The following KPNA6 variants were observed in gnomAD, a reference collection of about 807,000 sequenced individuals.
KPNA6 encodes karyopherin subunit alpha 6.
Under a neutral mutation model 72.0 loss-of-function variants are expected in KPNA6, and 9 were observed. That is an observed-to-expected ratio of 0.13 (90% CI 0.08 to 0.22). The LOEUF (loss-of-function observed/expected upper bound fraction) is 0.22, where lower values mean the gene tolerates loss of function less well. Among genes scored for constraint, KPNA6 ranks in the 10% least tolerant of loss-of-function variants. The probability of loss-of-function intolerance (pLI) is 1.00; values close to 1 mark genes in which losing one functional copy is unlikely to be tolerated. For missense variants in KPNA6, 374 were observed against 655.7 expected, an observed-to-expected ratio of 0.57 and a Z score of 4.69; for synonymous variants, 219 against 242.1, an observed-to-expected ratio of 0.90 and a Z score of 0.89.
At chr1:32,149,183 T>C (rs532150531) in intron 1 of KPNA6, among the ~76,000 whole-genome samples, 64 of 152,232 alleles carry the variant, frequency 4.2e-4, no homozygotes, top group Non-Finnish European at 8.7e-4. Context: ...AAGTGTACTT[T>C]TGAGCTCTAG....
At chr1:32,138,049 C>T (rs1310419840) in intron 1 of KPNA6, among the ~76,000 whole-genome samples, 4 of 150,674 alleles carry the variant, frequency 2.7e-5, no homozygotes, top group Admixed American at 2.0e-4. Flanking sequence ...GTAAGAGAAT[C>T]GCATCAACCC....
At chr1:32,165,944 G>A (rs1053787094) in intron 10 of KPNA6, among the ~76,000 whole-genome samples, 161 bp from the exon 11 acceptor site, 6 of 151,138 alleles carry the variant, frequency 4.0e-5, no homozygotes, top group African/African-American at 1.5e-4. Context: ...GTTGCAGTGA[G>A]CCGAGATTGT....
intron 13 of KPNA6, 60 bp downstream of exon 13, chr1:32,170,120 T>C: frequency 6.8e-7 from 1 of 1,462,842 alleles, no homozygotes; most frequent in Non-Finnish European, 9.5e-7. Flanking sequence ...CAACGTGGTA[T>C]ACATATGTTG....
chr1:32,119,268 T>C (rs2124524737), intron 1 of KPNA6, among the ~76,000 whole-genome samples: 1 of 151,650 alleles, frequency 6.6e-6, no homozygotes, highest in Non-Finnish European at 1.5e-5. Context: ...TGACCTCAGG[T>C]TATCCGCCTG....
At chr1:32,158,115 G>A (rs1642175269) in intron 4 of KPNA6, 152 bp from the exon 5 acceptor site, 1 of 609,078 alleles carries the variant, frequency 1.6e-6, no homozygotes. Flanking sequence ...TCAAAGACGA[G>A]TAGATATTGT....
intron 1 of KPNA6, among the ~76,000 whole-genome samples, chr1:32,129,460 A>T (rs1414601949): frequency 6.6e-6 from 1 of 152,164 alleles, no homozygotes; most frequent in Non-Finnish European, 1.5e-5. Context: ...GACAGCCTTC[A>T]AATGACTACC....
At position 32,170,978 on chromosome 1, in the gene KPNA6, C is replaced by A; in HGVS notation, c.*84C>A. On this transcript the variant is annotated 3_prime_UTR_variant, in exon 14 of 14. Coordinates refer to ENST00000373625, the MANE Select transcript of KPNA6 (RefSeq NM_012316.5). Reference sequence around the variant, plus strand: ...CCTCTGGTGGGCGGGAAACCAGTGTCCCCACCATCAGCCACCACACACCTC... The same window carrying A: ...CCTCTGGTGGGCGGGAAACCAGTGTACCCACCATCAGCCACCACACACCTC... 1 of 1,243,206 alleles carries A rather than the reference C, an allele frequency of 8.0e-7. No individual in the cohort carries two copies. The allele number at this position is 1,243,206 out of a possible 1,614,324, so 77.0% of individuals were successfully genotyped here. A position where few individuals can be genotyped will look rare whatever the true frequency, so the allele number is the denominator to read the frequency against.
chr1:32,167,913 C>G (rs1642369278), intron 12 of KPNA6, among the ~76,000 whole-genome samples: 1 of 151,508 alleles, frequency 6.6e-6, no homozygotes. Context: ...TGTCTGTTAT[C>G]CCAGCACCTT....
chr1:32,169,887 T>A lies in KPNA6; in HGVS notation c.1250T>A (p.Leu417Gln), dbSNP rs1225461088. ...SGGTPEQIRY[L>Q]VSLGCIKPLC... ...GCCTGGTCTCTGGCCCCTAGGTACC[T>A]GGTCTCACTGGGCTGCATCAAACCC... Residue 417 changes from leucine (L) to glutamine (Q), a missense_variant, in exon 13 of 14, where the codon CTG becomes CAG. Around this residue, in one of 3 missense-constraint regions of KPNA6, gnomAD observed 34 missense variants for 110.5 expected, o/e 0.31. Coordinates refer to ENST00000373625, the MANE Select transcript of KPNA6 (RefSeq NM_012316.5). 6.2e-7 allele frequency: 1 copy of A among 1,613,648 alleles called. No individual in the cohort carries two copies. Among genetic ancestry groups the A allele is most frequent in the Non-Finnish European group, 8.5e-7 (1 of 1,179,762 alleles).
intron 1 of KPNA6, among the ~76,000 whole-genome samples, chr1:32,141,045 G>A (rs1050648480): frequency 1.3e-5 from 2 of 152,096 alleles, no homozygotes; most frequent in African/African-American, 4.8e-5. Context: ...TGCTTTGGGG[G>A]AATTAATCCT....
chr1:32,112,121 ACT>A (rs1641252371), intron 1 of KPNA6, among the ~76,000 whole-genome samples: 1 of 152,176 alleles, frequency 6.6e-6, no homozygotes. Context: ...AGCCTGGGGA[ACT>A]TGTGGAGAAG....
rs112213109 is a variant in KPNA6 at position 32,168,950 on chromosome 1, A to G, written c.1245-932A>G. Among the ~76,000 whole-genome samples the G allele has an allele frequency of 2.6e-4, 39 of 152,328 alleles. 1 individual carries two copies. The highest frequency in any genetic ancestry group is 9.1e-4 in the African/African-American group (38 of 41,576). On this transcript the variant is annotated intron_variant, in intron 12 of 13. Transcript: ENST00000373625. ...GGGGTAATATTGCAGCCAAGGAGAC[A>G]TTAGAGGCAAGGAGGAGGAGTGTTT...
chr1:32,117,238 T>A (rs1353096560), intron 1 of KPNA6, among the ~76,000 whole-genome samples: 1 of 151,468 alleles, frequency 6.6e-6, no homozygotes, highest in Non-Finnish European at 1.5e-5. Flanking sequence ...AGTGGCACGA[T>A]CTTGGCTCAC....
intron 1 of KPNA6, chr1:32,143,116 G>A: frequency 4.4e-6 from 3 of 674,696 alleles, no homozygotes; most frequent in Non-Finnish European, 4.7e-6. Context: ...CAAAAGGAGT[G>A]CAGAGGTGCA....
chr1:32,140,786 A>G (rs1434632007), intron 1 of KPNA6, among the ~76,000 whole-genome samples: 1 of 152,206 alleles, frequency 6.6e-6, no homozygotes, highest in Non-Finnish European at 1.5e-5. Flanking sequence ...CAGAGTTACA[A>G]CAATACCCAA....
chr1:32,135,005 G>A (rs1641708227), intron 1 of KPNA6, among the ~76,000 whole-genome samples: 1 of 149,416 alleles, frequency 6.7e-6, no homozygotes, highest in Non-Finnish European at 1.5e-5. Context: ...TTCCAGGTTC[G>A]AGCAATTTTC....
intron 1 of KPNA6, among the ~76,000 whole-genome samples, chr1:32,118,970 A>ATCTGTGTG (rs749379355): frequency 7.9e-6 from 1 of 127,364 alleles, no homozygotes; most frequent in African/African-American, 3.1e-5. Context: ...CAAGCCATAT[A>ATCTGTGTG]TATGTGTGTG....
Position 32,170,900 on chromosome 1 carries a change from G to A in KPNA6, c.*6G>A. 6.2e-7 allele frequency: 1 copy of A among 1,613,530 alleles called. No homozygotes were observed. The highest frequency in any genetic ancestry group is 1.3e-5 in the African/African-American group (1 of 75,044). On this transcript the variant is annotated 3_prime_UTR_variant, in exon 14 of 14. Transcript: ENST00000373625. Reference sequence around the variant, plus strand: ...TGGAGGGCTTCCAGCTATAATATCTGCCTCCAGGGAGGGGAGGGGATGGGA... The same window carrying A: ...TGGAGGGCTTCCAGCTATAATATCTACCTCCAGGGAGGGGAGGGGATGGGA...
At chr1:32,169,807 G>C in intron 12 of KPNA6, 75 bp from the exon 13 acceptor site, 1 of 1,327,382 alleles carries the variant, frequency 7.5e-7, no homozygotes, top group Admixed American at 2.1e-5. Context: ...GTGGGTTGCT[G>C]AGAGTTCAGA....
Sources: allele counts gnomAD v4.1 joint callset (sites outside exome capture counted in the v4.1 genomes callset), GRCh38; gene constraint gnomAD v4.1.1; regional missense constraint gnomAD v4.1.1; transcripts MANE v1.5; gene names NCBI Gene and HGNC (gene_info 2026-07-23, HGNC 2026-07-21).